The following NKAIN2 variants were observed in gnomAD, a reference collection of about 807,000 sequenced individuals.
The protein encoded by NKAIN2 is sodium/potassium transporting ATPase interacting 2, also known as sodium/potassium-transporting ATPase subunit beta-1-interacting protein 2.
In NKAIN2, 14 loss-of-function variants were observed where a neutral mutation model predicts 32.6. The observed-to-expected ratio is 0.43, with a 90% CI of 0.28 to 0.67. The LOEUF is 0.67. Ranked by LOEUF, NKAIN2 falls within the 30% of genes least tolerant of loss-of-function variation. The pLI is 0.17. For missense variants in NKAIN2, 198 were observed against 258.3 expected (o/e 0.77, Z 1.60); for synonymous variants, 80 against 87.2 (o/e 0.92, Z 0.46).
chr6:124,516,095 C>G (rs1778903941), intron 3 of NKAIN2, among the ~76,000 whole-genome samples: 1 of 152,112 alleles, frequency 6.6e-6, no homozygotes, highest in African/African-American at 2.4e-5. Context: ...ATCCAAAAAT[C>G]TTGCCATTGA....
intron 3 of NKAIN2, among the ~76,000 whole-genome samples, chr6:124,631,799 T>C (rs1212787436): frequency 6.6e-6 from 1 of 152,142 alleles, no homozygotes. Flanking sequence ...ATAAATGCTC[T>C]CGAGGTTCCC....
At chr6:124,764,115 T>C (rs181536754) in intron 4 of NKAIN2, among the ~76,000 whole-genome samples, 16 of 152,324 alleles carry the variant, frequency 1.1e-4, no homozygotes, top group African/African-American at 3.6e-4. Context: ...AAGAAACTAG[T>C]CTTTTTTAAT....
At chr6:124,680,849 T>G (rs1375139417) in intron 4 of NKAIN2, among the ~76,000 whole-genome samples, 1 of 151,834 alleles carries the variant, frequency 6.6e-6, no homozygotes, top group African/African-American at 2.4e-5. Flanking sequence ...ATACCTAACT[T>G]TAATTAGATA....
At chr6:124,422,860 G>T (rs9482558) in intron 3 of NKAIN2, among the ~76,000 whole-genome samples, 8,450 of 152,046 alleles carry the variant, frequency 0.056, 662 homozygotes, top group African/African-American at 0.17. Flanking sequence ...ATGTGTTTGG[G>T]GACTGTTACA....
chr6:124,592,340 C>T (rs780756084), intron 3 of NKAIN2, among the ~76,000 whole-genome samples: 3 of 152,032 alleles, frequency 2.0e-5, no homozygotes, highest in African/African-American at 7.2e-5. Flanking sequence ...CTATTACAAG[C>T]GAGAAGATAT....
chr6:123,852,083 A>G (rs1345687080), intron 1 of NKAIN2, among the ~76,000 whole-genome samples: 1 of 152,110 alleles, frequency 6.6e-6, no homozygotes, highest in Admixed American at 6.5e-5. Context: ...TTTTAGTTTC[A>G]GTTTTTACAC....
chr6:124,069,365 G>T (rs1582576899), intron 1 of NKAIN2, among the ~76,000 whole-genome samples: 1 of 152,254 alleles, frequency 6.6e-6, no homozygotes. Context: ...TGAGTGAGAG[G>T]CTGGGCTATT....
At chr6:123,909,435 G>C (rs1025077779) in intron 1 of NKAIN2, among the ~76,000 whole-genome samples, 3 of 152,098 alleles carry the variant, frequency 2.0e-5, no homozygotes, top group Non-Finnish European at 4.4e-5. Context: ...AGGCTACAAG[G>C]CTCTACACCA....
At chr6:123,923,359 T>C (rs1210258800) in intron 1 of NKAIN2, among the ~76,000 whole-genome samples, 1 of 152,170 alleles carries the variant, frequency 6.6e-6, no homozygotes, top group Non-Finnish European at 1.5e-5. Context: ...ATAAGCTTTT[T>C]TTTTTTGGCA....
chr6:124,427,792 T>C (rs748965272), intron 3 of NKAIN2, among the ~76,000 whole-genome samples: 46 of 152,268 alleles, frequency 3.0e-4, no homozygotes, highest in Non-Finnish European at 4.6e-4. Context: ...ATTTCCCTGA[T>C]GTGATGGAAG....
intron 2 of NKAIN2, among the ~76,000 whole-genome samples, chr6:124,343,905 A>C (rs78153655): frequency 0.15 from 15,177 of 104,062 alleles, 1,599 homozygotes; most frequent in East Asian, 0.22. Flanking sequence ...AAGTCGTTGC[A>C]CATGCCTATG....
chr6:124,723,761 G>T (rs545088457), intron 4 of NKAIN2, among the ~76,000 whole-genome samples: 1 of 152,324 alleles, frequency 6.6e-6, no homozygotes, highest in Non-Finnish European at 1.5e-5. Context: ...TTATGCCAAA[G>T]AATTTTTAAA....
intron 1 of NKAIN2, among the ~76,000 whole-genome samples, chr6:123,979,972 T>TTGATTATGATATTAGA (rs1028656591): frequency 6.6e-6 from 1 of 152,150 alleles, no homozygotes; most frequent in African/African-American, 2.4e-5. Flanking sequence ...ATGATACAGG[T>TTGATTATGATATTAGA]TGATTATGAT....
chr6:123,931,019 G>T (rs554884584), intron 1 of NKAIN2, among the ~76,000 whole-genome samples: 12 of 152,054 alleles, frequency 7.9e-5, no homozygotes, highest in East Asian at 7.7e-4. Flanking sequence ...TGCGATGAAG[G>T]CGGGGCAGGT....
At chr6:124,394,635 G>A (rs1289683283) in intron 3 of NKAIN2, among the ~76,000 whole-genome samples, 1 of 148,476 alleles carries the variant, frequency 6.7e-6, no homozygotes, top group African/African-American at 2.5e-5. Context: ...CAGTATTTCA[G>A]TCCAAACCCA....
intron 1 of NKAIN2, among the ~76,000 whole-genome samples, chr6:123,975,784 C>A (rs1249433827): frequency 6.6e-6 from 1 of 152,066 alleles, no homozygotes; most frequent in Admixed American, 6.6e-5. Context: ...AATAACCTCC[C>A]AAAGGCCCTA....
At chr6:124,358,066 G>T (rs749578829) in intron 3 of NKAIN2, among the ~76,000 whole-genome samples, 3 of 152,054 alleles carry the variant, frequency 2.0e-5, no homozygotes, top group Non-Finnish European at 2.9e-5. Flanking sequence ...CAGAATGATG[G>T]TTTCCAGCTT....
chr6:124,028,541 A>C (rs1781222839), intron 1 of NKAIN2, among the ~76,000 whole-genome samples: 1 of 151,652 alleles, frequency 6.6e-6, no homozygotes, highest in Non-Finnish European at 1.5e-5. Context: ...ATAATAATAA[A>C]ATAAATTTTA....
At chr6:124,633,059 TCTAGTGCTTCTTC>T (rs1783631048) in intron 3 of NKAIN2, among the ~76,000 whole-genome samples, 1 of 152,204 alleles carries the variant, frequency 6.6e-6, no homozygotes, top group Non-Finnish European at 1.5e-5. Context: ...CATTTTCTAT[TCTAGTGCTTCTTC>T]CTAAAAGAAA....
Sources: allele counts gnomAD v4.1 joint callset (sites outside exome capture counted in the v4.1 genomes callset), GRCh38; gene constraint gnomAD v4.1.1; transcripts MANE v1.5; gene names NCBI Gene and HGNC (gene_info 2026-07-23, HGNC 2026-07-21).